Variants in ANKRD17 observed in about 807,000 individuals in gnomAD.
ANKRD17 encodes the protein ankyrin repeat domain-containing protein 17.
ANKRD17 carries 19 observed loss-of-function variants against 229.7 expected under a neutral mutation model. The observed-to-expected ratio is 0.08, with a 90% CI of 0.06 to 0.12. The LOEUF (loss-of-function observed/expected upper bound fraction) is 0.12, where lower values mean the gene tolerates loss of function less well. ANKRD17 is among the 10% of genes least tolerant of loss of function. ANKRD17 has a pLI of 1.00. For missense variants in ANKRD17, 2,176 were observed against 3,176.8 expected (o/e 0.68, Z 7.57); for synonymous variants, 1,112 against 1,146.1 (o/e 0.97, Z 0.60).
Position 73,087,130 on chromosome 4 carries a change from G to A in ANKRD17, c.6962-1684C>T, listed in dbSNP as rs563215406. Among the ~76,000 whole-genome samples, 65 of 149,764 alleles carry A rather than the reference G, an allele frequency of 4.3e-4. 1 individual carries two copies. In the South Asian group the frequency reaches 0.011, roughly 26 times the overall value. ...ATCATTTTTTCTTTTTTTTTAAGGA[G>A]ACAGGAGATTGCTCTGTTGCTCATA... On this transcript the variant is annotated intron_variant, in intron 29 of 33. Transcript: ENST00000358602.
intron 1 of ANKRD17, among the ~76,000 whole-genome samples, chr4:73,219,041 A>G (rs565449213): frequency 1.3e-5 from 2 of 152,302 alleles, no homozygotes; most frequent in African/African-American, 2.4e-5. Flanking sequence ...CAGCCTGGCA[A>G]CACAGCAAGA....
At chr4:73,175,742 T>A (rs1412630454) in intron 2 of ANKRD17, among the ~76,000 whole-genome samples, 1 of 152,162 alleles carries the variant, frequency 6.6e-6, no homozygotes, top group Non-Finnish European at 1.5e-5. Flanking sequence ...CTGGGAAAGC[T>A]GGATATCCAT....
At chr4:73,079,044 T>C (rs183560441) in intron 30 of ANKRD17, among the ~76,000 whole-genome samples, 154 bp from the exon 31 acceptor site, 47 of 152,372 alleles carry the variant, frequency 3.1e-4, no homozygotes, top group African/African-American at 9.9e-4. Flanking sequence ...TATTAAAATT[T>C]GGCTAAAGTT....
rs989878826 is a variant in ANKRD17 at position 73,085,232 on chromosome 4, C to A, written c.7159+17G>T. The A allele has an allele frequency of 1.2e-6, 2 of 1,609,076 alleles. No individual in the cohort carries two copies. ...ACATATGCAGATTCTTATGGAATTA[C>A]GGTGTATAAAACTCACCATTTGATG... On this transcript the variant is annotated intron_variant, in intron 30 of 33. Coordinates refer to ENST00000358602, the MANE Select transcript of ANKRD17 (RefSeq NM_032217.5).
Position 73,250,258 on chromosome 4 carries a change from C to A in ANKRD17, c.393+8018G>T, listed in dbSNP as rs77639625. Among the ~76,000 whole-genome samples, 21 of 152,156 alleles carry A rather than the reference C, an allele frequency of 1.4e-4. No individual in the cohort carries two copies. The East Asian group carries it at 4.1e-3, about 29-fold the overall frequency. ...TAATCTTGTTTCCCATTCTTATCAGCATAATTCACTATGATCAGCAAGCTT... is the reference window on the plus strand; with the variant it reads ...TAATCTTGTTTCCCATTCTTATCAGAATAATTCACTATGATCAGCAAGCTT... On this transcript the variant is annotated intron_variant, in intron 1 of 33. Coordinates refer to ENST00000358602, the MANE Select transcript of ANKRD17 (RefSeq NM_032217.5).
intron 1 of ANKRD17, among the ~76,000 whole-genome samples, chr4:73,249,551 A>G (rs961696893): frequency 2.0e-5 from 3 of 152,246 alleles, no homozygotes; most frequent in South Asian, 2.1e-4. Flanking sequence ...GTAATAAGCA[A>G]TAAGAATATA....
At chr4:73,181,804 T>C (rs1347902112) in intron 1 of ANKRD17, among the ~76,000 whole-genome samples, 3 of 151,850 alleles carry the variant, frequency 2.0e-5, no homozygotes, top group Admixed American at 1.3e-4. Context: ...CCCCAGCACT[T>C]TGGGAGGCCG....
Position 73,157,828 on chromosome 4 carries a change from G to A in ANKRD17, c.705-1662C>T, listed in dbSNP as rs532945909. On this transcript the variant is annotated intron_variant, in intron 3 of 33. Transcript: ENST00000358602. Reference sequence around the variant, plus strand: ...ACGTCCGCCGGGCACAGTGGCTCACGCCTGTAATCCCAGCACTTTGGGAGG... The same window carrying A: ...ACGTCCGCCGGGCACAGTGGCTCACACCTGTAATCCCAGCACTTTGGGAGG... Among the ~76,000 whole-genome samples the A allele has an allele frequency of 3.9e-5, 6 of 152,258 alleles. No individual in the cohort carries two copies. The South Asian group carries it at 8.3e-4, about 21-fold the overall frequency.
Position 73,091,138 on chromosome 4 carries a change from T to C in ANKRD17, c.6490A>G (p.Met2164Val), listed in dbSNP as rs913449377. ...PVTYPMPQTP[M>V]GCPQPTPKME... ...TTAGGAGTAGGCTGGGGGCATCCCA[T>C]TGGTGTCTGAGGCATAGGGTAAGTC... Residue 2164 changes from methionine (M) to valine (V), a missense_variant, in exon 29 of 34, where the codon ATG (methionine) becomes GTG (valine). Around this residue, in one of 18 missense-constraint regions of ANKRD17, gnomAD observed 424 missense variants for 454.0 expected, o/e 0.93. Coordinates refer to ENST00000358602, the MANE Select transcript of ANKRD17 (RefSeq NM_032217.5). The C allele has an allele frequency of 5.6e-6, 9 of 1,614,080 alleles. No homozygotes were observed. The highest frequency in any genetic ancestry group is 5.9e-6 in the Non-Finnish European group (7 of 1,179,996).
At chr4:73,211,959 G>T (rs1326725902) in intron 1 of ANKRD17, among the ~76,000 whole-genome samples, 1 of 151,156 alleles carries the variant, frequency 6.6e-6, no homozygotes. Context: ...CAGGAATAAA[G>T]AAAAATGTAT....
chr4:73,165,972 A>G (rs954636566), intron 2 of ANKRD17, among the ~76,000 whole-genome samples: 2 of 152,260 alleles, frequency 1.3e-5, no homozygotes, highest in Non-Finnish European at 2.9e-5. Flanking sequence ...AGGATAGCTG[A>G]TATCAGCCTT....
At chr4:73,150,759 A>G (rs1002982114) in intron 7 of ANKRD17, among the ~76,000 whole-genome samples, 3 of 152,158 alleles carry the variant, frequency 2.0e-5, no homozygotes, top group Non-Finnish European at 4.4e-5. Flanking sequence ...AAATTTTTCT[A>G]TGATATTTTG....
intron 25 of ANKRD17, chr4:73,099,203 T>C: frequency 1.6e-6 from 1 of 629,172 alleles, no homozygotes; most frequent in Non-Finnish European, 3.0e-6. Flanking sequence ...ACTGGACAGC[T>C]TTTGCTCCGC....
intron 1 of ANKRD17, among the ~76,000 whole-genome samples, chr4:73,191,565 AT>A (rs1294986545): frequency 2.6e-5 from 4 of 151,998 alleles, no homozygotes; most frequent in African/African-American, 9.7e-5. Flanking sequence ...GAGAATAAAA[AT>A]TCAAAGATGC....
At chr4:73,246,377 T>C (rs951619009) in intron 1 of ANKRD17, among the ~76,000 whole-genome samples, 1 of 152,184 alleles carries the variant, frequency 6.6e-6, no homozygotes, top group African/African-American at 2.4e-5. Flanking sequence ...GCTTTATAGA[T>C]CACTAGAATT....
rs181801858 is a variant in ANKRD17 at position 73,231,258 on chromosome 4, G to A, written c.393+27018C>T. Among the ~76,000 whole-genome samples the A allele has an allele frequency of 4.6e-5, 7 of 152,254 alleles. No individual in the cohort carries two copies. The East Asian group carries it at 1.2e-3, about 25-fold the overall frequency. ...AGTCACCGGTTTCTACCACTCTGGG[G>A]GAATGAAGAAACAGTTCCAAGTAAC... is the stretch of plus-strand genomic sequence containing the variant. On this transcript the variant is annotated intron_variant, in intron 1 of 33. Transcript: ENST00000358602.
chr4:73,192,660 A>G (rs1737293121), intron 1 of ANKRD17, among the ~76,000 whole-genome samples: 1 of 152,160 alleles, frequency 6.6e-6, no homozygotes, highest in African/African-American at 2.4e-5. Flanking sequence ...TCACCCAACC[A>G]TTTACATATT....
rs373335384 is a variant in ANKRD17 at position 73,091,923 on chromosome 4, T to G, written c.5705A>C (p.Gln1902Pro). ...HALLAAQTFQ[Q>P]IRPPRLPMTH... Reference sequence around the variant, plus strand: ...CATGGGCAACCTTGGTGGACGGATCTGCTGGAAAGTCTGAGCAGCAAGCAA... The same window carrying G: ...CATGGGCAACCTTGGTGGACGGATCGGCTGGAAAGTCTGAGCAGCAAGCAA... The change falls in exon 29 of 34, where the codon CAG (glutamine) becomes CCG (proline). Residue 1902 changes from glutamine (Q) to proline (P), a missense_variant. By Grantham distance (76) the Gln-to-Pro change is moderately conservative (BLOSUM62 -1). Coordinates refer to ENST00000358602, the MANE Select transcript of ANKRD17 (RefSeq NM_032217.5). The G allele has an allele frequency of 2.0e-5, 33 of 1,614,070 alleles. No individual in the cohort carries two copies. The highest frequency in any genetic ancestry group is 2.5e-5 in the Non-Finnish European group (29 of 1,180,042).
Position 73,146,850 on chromosome 4 carries a change from C to T in ANKRD17, c.1783G>A (p.Ala595Thr). 1.2e-6 allele frequency: 2 copies of T among 1,612,372 alleles called. No homozygotes were observed. The highest frequency in any genetic ancestry group is 1.7e-6 in the Non-Finnish European group (2 of 1,178,940). ...AAGANVHATT[A>T]TGDTALTYAC... The stretch of plus-strand genomic sequence containing the variant: ...TATGTTAGTGCTGTATCCCCTGTTG[C>T]TGTTGTTGCATGAACGTTAGCTCCT... Residue 595 changes from alanine to threonine, a missense_variant, in exon 10 of 34, where the codon GCA (alanine) becomes ACA (threonine). Ala to Thr is a moderately conservative substitution (Grantham distance 58). Around this residue, in one of 18 missense-constraint regions of ANKRD17, gnomAD observed 275 missense variants for 386.9 expected, o/e 0.71. Coordinates refer to ENST00000358602, the MANE Select transcript of ANKRD17 (RefSeq NM_032217.5).
Sources: gnomAD v4.1 joint callset for allele counts (sites outside exome capture counted in the v4.1 genomes callset) on GRCh38, gnomAD v4.1.1 for gene constraint, gnomAD v4.1.1 regional missense constraint, MANE v1.5 for transcripts, NCBI Gene and HGNC (gene_info 2026-07-23, HGNC 2026-07-21) for gene names.